RGL1: variants seen among roughly 807,000 people sequenced by gnomAD.
The protein encoded by RGL1 is ral guanine nucleotide dissociation stimulator like 1.
A neutral mutation model predicts 95.2 loss-of-function variants in RGL1; 24 were observed. The observed-to-expected ratio is 0.25, with a 90% confidence interval of 0.18 to 0.35. The LOEUF (loss-of-function observed/expected upper bound fraction) is 0.35, where lower values mean the gene tolerates loss of function less well. RGL1 is among the 10% of genes least tolerant of loss of function. The probability of loss-of-function intolerance (pLI) is 1.00; values close to 1 mark genes in which losing one functional copy is unlikely to be tolerated. For missense variants in RGL1, 715 were observed against 936.3 expected (o/e 0.76, Z 3.08); for synonymous variants, 329 against 344.9 (o/e 0.95, Z 0.51).
At chr1:183,746,373 C>A (rs1657628156) in intron 2 of RGL1, among the ~76,000 whole-genome samples, 1 of 151,888 alleles carries the variant, frequency 6.6e-6, no homozygotes, top group Non-Finnish European at 1.5e-5. Flanking sequence ...TATATATAAA[C>A]ACATATATAT....
At chr1:183,844,341 G>C (rs1009533114) in intron 2 of RGL1, among the ~76,000 whole-genome samples, 1 of 152,150 alleles carries the variant, frequency 6.6e-6, no homozygotes, top group Non-Finnish European at 1.5e-5. Flanking sequence ...GTAAATATGA[G>C]TTAAGTTTTA....
chr1:183,887,382 T>C (rs1177903995), intron 7 of RGL1, among the ~76,000 whole-genome samples: 3 of 151,882 alleles, frequency 2.0e-5, no homozygotes, highest in Non-Finnish European at 4.4e-5. Flanking sequence ...GAGTGCTGTT[T>C]TTCCTTCGTA....
chr1:183,846,867 G>A (rs142558232), intron 2 of RGL1, among the ~76,000 whole-genome samples: 13 of 152,090 alleles, frequency 8.5e-5, no homozygotes, highest in African/African-American at 2.9e-4. Context: ...GCGACAAAGC[G>A]AGACTCCATC....
chr1:183,685,841 A>G (rs1041855395), intron 1 of RGL1, among the ~76,000 whole-genome samples: 4 of 152,202 alleles, frequency 2.6e-5, no homozygotes, highest in African/African-American at 9.6e-5. Flanking sequence ...GATGAATCCA[A>G]CTGGAAAAAA....
Position 183,880,784 on chromosome 1 carries a change from A to G in RGL1, c.594A>G (p.Gln198=), listed in dbSNP as rs780548546. 3.1e-6 allele frequency: 5 copies of G among 1,613,894 alleles called. No individual in the cohort carries two copies. The highest frequency in any genetic ancestry group is 4.2e-6 in the Non-Finnish European group (5 of 1,179,812). Residue 198 remains glutamine (Q), a synonymous_variant, in exon 5 of 18, where the codon CAA becomes CAG. Coordinates refer to ENST00000360851, the MANE Select transcript of RGL1 (RefSeq NM_001297671.3). Reference sequence around the variant, plus strand: ...ATCTTCTTGAGCAGTTTCAGAAGCAAGAAGTGGAAACTGACAGTGAGTACT... The same window carrying G: ...ATCTTCTTGAGCAGTTTCAGAAGCAGGAAGTGGAAACTGACAGTGAGTACT... ...AQNLLEQFQK[Q]EVETDNGLPN...
At chr1:183,854,055 C>T (rs1044706833) in intron 3 of RGL1, among the ~76,000 whole-genome samples, 6 of 152,182 alleles carry the variant, frequency 3.9e-5, no homozygotes, top group Admixed American at 3.9e-4. Flanking sequence ...ACAAACCTGC[C>T]TTCTTCATGC....
chr1:183,911,990 A>G, intron 14 of RGL1, 92 bp from the exon 15 acceptor site: 4 of 1,101,068 alleles, frequency 3.6e-6, no homozygotes, highest in Non-Finnish European at 2.6e-6. Context: ...GACTGAAAAA[A>G]CATCAAGGGC....
At chr1:183,856,106 T>G (rs1345346819) in intron 3 of RGL1, among the ~76,000 whole-genome samples, 1 of 152,172 alleles carries the variant, frequency 6.6e-6, no homozygotes, top group African/African-American at 2.4e-5. Flanking sequence ...GCTTCCTTTC[T>G]AGCTTAACAT....
Position 183,723,388 on chromosome 1 carries a change from A to G in RGL1, c.-32-18738A>G, listed in dbSNP as rs531832694. ...GACCACTGTACCTGGTTTTAACTTC[A>G]TGTCACTGAAAGAGGCACTGAAGAG... On this transcript the variant is annotated intron_variant, in intron 1 of 18. Coordinates refer to the RGL1 transcript ENST00000304685. Among the ~76,000 whole-genome samples the G allele has an allele frequency of 2.0e-5, 3 of 152,354 alleles. No individual in the cohort carries two copies. The South Asian group carries it at 6.2e-4, about 32-fold the overall frequency.
intron 14 of RGL1, among the ~76,000 whole-genome samples, chr1:183,909,777 C>T (rs1003673727): frequency 1.3e-5 from 2 of 152,292 alleles, no homozygotes; most frequent in Admixed American, 1.3e-4. Flanking sequence ...GTTCAGCCCA[C>T]GTGCTAGTTG....
At position 183,805,315 on chromosome 1, in the gene RGL1, A is replaced by T. The variant is rs143588255; in HGVS notation, c.18A>T (p.Gln6His). 6.2e-7 allele frequency: 1 copy of T among 1,611,856 alleles called. No homozygotes were observed. The highest frequency in any genetic ancestry group is 2.2e-5 in the East Asian group (1 of 44,874). ...AACTGAGAATGAAATTGCTTTGGCA[A>T]GCTAAAATGGTAACGAGAGCTCTCT... is the stretch of plus-strand genomic sequence containing the variant. The part of the protein sequence containing the change: MKLLW[Q>H]AKMSSIQDWG... Residue 6 changes from glutamine to histidine, a missense_variant, in exon 1 of 18, where the codon CAA becomes CAT. Transcript: ENST00000360851.
At chr1:183,867,438 G>A (rs1289591425) in intron 4 of RGL1, among the ~76,000 whole-genome samples, 1 of 152,136 alleles carries the variant, frequency 6.6e-6, no homozygotes, top group African/African-American at 2.4e-5. Context: ...GCCCTAGATC[G>A]AGTGTGAGGG....
intron 1 of RGL1, among the ~76,000 whole-genome samples, chr1:183,643,628 T>C (rs1358046159): frequency 3.3e-5 from 5 of 152,078 alleles, no homozygotes; most frequent in African/African-American, 1.2e-4. Flanking sequence ...CTTTACTTTT[T>C]TAAATAGATT....
intron 1 of RGL1, among the ~76,000 whole-genome samples, chr1:183,741,172 A>T (rs993966405): frequency 6.6e-6 from 1 of 152,212 alleles, no homozygotes; most frequent in African/African-American, 2.4e-5. Flanking sequence ...AGAAAGCCAG[A>T]CACAAAGATC....
rs1357553139 is a variant in RGL1 at position 183,755,430 on chromosome 1, A to G, written c.132+13141A>G. Among the ~76,000 whole-genome samples the G allele has an allele frequency of 5.3e-5, 8 of 152,248 alleles. No individual in the cohort carries two copies. In the East Asian group the frequency reaches 7.7e-4, roughly 15 times the overall value. ...TTCAAATATTTAAAATTTAAATGAT[A>G]AATAATACCTATATGTAGTAGAAAA... On this transcript the variant is annotated intron_variant, in intron 2 of 18. Coordinates refer to the RGL1 transcript ENST00000304685.
At chr1:183,720,638 T>C (rs1572329604) in intron 1 of RGL1, among the ~76,000 whole-genome samples, 2 of 152,322 alleles carry the variant, frequency 1.3e-5, no homozygotes, top group South Asian at 2.1e-4. Context: ...GCTGAAGGCC[T>C]TTCAAGTTAG....
chr1:183,729,204 GTGTA>G (rs1413341430), intron 1 of RGL1, among the ~76,000 whole-genome samples: 4 of 143,232 alleles, frequency 2.8e-5, no homozygotes, highest in East Asian at 2.2e-4. Context: ...GTGTGTGTGT[GTGTA>G]TACTATTTTA....
intron 1 of RGL1, among the ~76,000 whole-genome samples, chr1:183,733,872 C>G (rs1656776487): frequency 6.6e-6 from 1 of 152,172 alleles, no homozygotes; most frequent in Non-Finnish European, 1.5e-5. Flanking sequence ...ATGTGAAAAT[C>G]ATGGTGTTCT....
chr1:183,912,318 C>A, intron 15 of RGL1, 50 bp downstream of exon 15: 1 of 1,445,588 alleles, frequency 6.9e-7, no homozygotes, highest in South Asian at 1.2e-5. Context: ...CCTACATGCT[C>A]TTTGCCACAC....
Sources: gnomAD v4.1 joint callset for allele counts (sites outside exome capture counted in the v4.1 genomes callset) on GRCh38, gnomAD v4.1.1 for gene constraint, MANE v1.5 for transcripts, NCBI Gene and HGNC (gene_info 2026-07-23, HGNC 2026-07-21) for gene names.